The following TLK1 variants were observed in gnomAD, a reference collection of about 807,000 sequenced individuals.
TLK1 encodes serine/threonine-protein kinase tousled-like 1.
In TLK1, 24 loss-of-function variants were observed where a neutral mutation model predicts 105.3. The observed-to-expected ratio is 0.23, with a 90% CI of 0.17 to 0.32. The LOEUF is 0.32. Ranked by LOEUF, TLK1 falls within the 10% of genes least tolerant of loss-of-function variation. The pLI, the probability that TLK1 is intolerant of heterozygous loss-of-function variation, is 1.00. For synonymous variants in TLK1, 321 were observed against 310.4 expected (o/e 1.03, Z -0.36); for missense variants, 558 against 910.5 (o/e 0.61, Z 4.98).
At chr2:171,227,305 G>A (rs756297784) in intron 1 of TLK1, among the ~76,000 whole-genome samples, 2 of 152,142 alleles carry the variant, frequency 1.3e-5, no homozygotes, top group African/African-American at 2.4e-5. Flanking sequence ...TTGGGCCAAT[G>A]AGAAACTTCC....
At chr2:171,034,591 C>A (rs1270009109) in intron 11 of TLK1, among the ~76,000 whole-genome samples, 3 of 152,000 alleles carry the variant, frequency 2.0e-5, no homozygotes, top group Non-Finnish European at 2.9e-5. Context: ...AGAGAAAGGG[C>A]TAGGGAGTGA....
At chr2:171,213,468 G>A (rs1308882401) in intron 1 of TLK1, among the ~76,000 whole-genome samples, 3 of 151,496 alleles carry the variant, frequency 2.0e-5, no homozygotes, top group African/African-American at 7.3e-5. Context: ...CTCCCAAAGT[G>A]CCAGGATTAC....
chr2:171,080,964 C>T (rs1343189132), intron 3 of TLK1, among the ~76,000 whole-genome samples: 1 of 152,130 alleles, frequency 6.6e-6, no homozygotes, highest in Non-Finnish European at 1.5e-5. Flanking sequence ...CCTAGGCCTC[C>T]CAACATGCTG....
intron 13 of TLK1, among the ~76,000 whole-genome samples, chr2:171,013,409 G>A (rs1301551747): frequency 4.1e-5 from 6 of 144,768 alleles, no homozygotes; most frequent in African/African-American, 7.8e-5. Flanking sequence ...AGGCTCAGGC[G>A]ATCCTCCCTC....
At chr2:171,050,272 CTAA>C (rs1687174177) in intron 8 of TLK1, 98 bp from the exon 9 acceptor site, 2 of 695,330 alleles carry the variant, frequency 2.9e-6, no homozygotes, top group Non-Finnish European at 4.4e-6. Flanking sequence ...ACAGATAGGA[CTAA>C]TAATATTAAA....
intron 1 of TLK1, among the ~76,000 whole-genome samples, chr2:171,230,981 T>C (rs13387227): frequency 0.048 from 7,383 of 152,228 alleles, 456 homozygotes; most frequent in East Asian, 0.18. Flanking sequence ...TGCAAACCTC[T>C]TCCTCGGGTA....
intron 5 of TLK1, 48 bp from the exon 6 acceptor site, chr2:171,056,614 G>C (rs1375587072): frequency 2.1e-6 from 3 of 1,460,394 alleles, no homozygotes; most frequent in African/African-American, 1.4e-5. Flanking sequence ...AGCAGGCTCA[G>C]ACAGTTATTT....
intron 1 of TLK1, among the ~76,000 whole-genome samples, chr2:171,188,379 G>A (rs1033716397): frequency 6.6e-6 from 1 of 151,966 alleles, no homozygotes; most frequent in Admixed American, 6.6e-5. Flanking sequence ...AGACCAGCCT[G>A]GCCAACATGG....
chr2:171,117,443 T>A (rs151146205), intron 2 of TLK1, among the ~76,000 whole-genome samples: 17 of 152,222 alleles, frequency 1.1e-4, no homozygotes, highest in African/African-American at 3.9e-4. Flanking sequence ...GTGGATTAGA[T>A]GTACAGATAG....
chr2:171,117,924 A>AAT (rs932865685), intron 1 of TLK1, 67 bp from the exon 2 acceptor site: 5 of 1,057,190 alleles, frequency 4.7e-6, no homozygotes, highest in South Asian at 1.6e-5. Context: ...TACACACACA[A>AAT]ATATATATAT....
intron 20 of TLK1, among the ~76,000 whole-genome samples, chr2:170,995,219 G>A (rs1352895263): frequency 6.6e-6 from 1 of 152,094 alleles, no homozygotes; most frequent in Non-Finnish European, 1.5e-5. Context: ...TCAATAGCAA[G>A]GTTAAGGTTA....
intron 3 of TLK1, among the ~76,000 whole-genome samples, chr2:171,076,289 G>A (rs931894650): frequency 2.0e-5 from 3 of 151,980 alleles, no homozygotes; most frequent in African/African-American, 7.3e-5. Flanking sequence ...GGATGGGTTC[G>A]TTACTGACAG....
At chr2:171,057,095 A>G (rs1011463568) in intron 5 of TLK1, among the ~76,000 whole-genome samples, 3 of 152,066 alleles carry the variant, frequency 2.0e-5, no homozygotes, top group Non-Finnish European at 4.4e-5. Context: ...TAAAAAATCA[A>G]TTCTTCTGTA....
At chr2:171,205,527 T>A (rs575936675) in intron 1 of TLK1, among the ~76,000 whole-genome samples, 9 of 152,286 alleles carry the variant, frequency 5.9e-5, no homozygotes, top group Admixed American at 5.9e-4. Context: ...TTTTGCCATG[T>A]TGCCCAGGCT....
chr2:171,137,443 T>C (rs1214287897), intron 1 of TLK1, among the ~76,000 whole-genome samples: 1 of 152,146 alleles, frequency 6.6e-6, no homozygotes, highest in African/African-American at 2.4e-5. Flanking sequence ...CCATAGCCTT[T>C]TCTGTGGCTT....
chr2:171,194,153 A>G (rs1264548664), intron 1 of TLK1, among the ~76,000 whole-genome samples: 1 of 152,228 alleles, frequency 6.6e-6, no homozygotes, highest in East Asian at 1.9e-4. Context: ...TTGAAGAAAT[A>G]TATTTCTTTA....
At chr2:171,191,402 C>G (rs1426883504) in intron 1 of TLK1, among the ~76,000 whole-genome samples, 1 of 141,156 alleles carries the variant, frequency 7.1e-6, no homozygotes, top group Non-Finnish European at 1.5e-5. Flanking sequence ...GACCCACCAC[C>G]CCCCCCTCTA....
intron 1 of TLK1, among the ~76,000 whole-genome samples, chr2:171,203,871 G>A (rs867439572): frequency 7.2e-5 from 11 of 152,064 alleles, no homozygotes; most frequent in Non-Finnish European, 1.2e-4. Context: ...CCAACATGGC[G>A]AAACCCTATC....
chr2:171,125,750 G>A (rs897642800), intron 1 of TLK1, among the ~76,000 whole-genome samples: 5 of 152,252 alleles, frequency 3.3e-5, no homozygotes, highest in African/African-American at 1.2e-4. Context: ...AGGTTTTGGG[G>A]GAACAGGTAG....
Sources: gnomAD v4.1 joint callset for allele counts (sites outside exome capture counted in the v4.1 genomes callset) on GRCh38, gnomAD v4.1.1 for gene constraint, MANE v1.5 for transcripts, NCBI Gene and HGNC (gene_info 2026-07-23, HGNC 2026-07-21) for gene names.